Variants in TMEM108 observed in about 807,000 individuals in gnomAD.
TMEM108 encodes transmembrane protein 108, also known as cancer/testis antigen 124.
In TMEM108, 12 loss-of-function variants were observed where a neutral mutation model predicts 35.1. The ratio of observed to expected loss-of-function variants is 0.34; its 90% CI spans 0.22 to 0.55. The LOEUF (loss-of-function observed/expected upper bound fraction) is 0.55, where lower values mean the gene tolerates loss of function less well. Ranked by LOEUF, TMEM108 falls within the 20% of genes least tolerant of loss-of-function variation. The pLI is 0.89. For missense variants in TMEM108, 680 were observed against 753.3 expected (o/e 0.90, Z 1.14); for synonymous variants, 287 against 308.6 (o/e 0.93, Z 0.73).
At chr3:133,336,461 T>A (rs55694539) in intron 3 of TMEM108, among the ~76,000 whole-genome samples, 51,314 of 151,730 alleles carry the variant, frequency 0.34, 9,059 homozygotes, top group East Asian at 0.48. Context: ...TAGCTCCCAG[T>A]TGGCATTGCT....
chr3:133,365,065 G>A lies in TMEM108; in HGVS notation c.41-14687G>A, dbSNP rs540925506. ...TGGATACTGGTTTCCCAGGAAAGGC[G>A]TGTAACCTTGAGCAAGGCAGCTTTC... On this transcript the variant is annotated intron_variant, in intron 3 of 5. Coordinates refer to ENST00000321871, the MANE Select transcript of TMEM108 (RefSeq NM_023943.4). Among the ~76,000 whole-genome samples, 9 of 152,298 alleles carry A rather than the reference G, an allele frequency of 5.9e-5. No individual in the cohort carries two copies. In the South Asian group the frequency reaches 6.2e-4, roughly 11 times the overall value.
intron 2 of TMEM108, among the ~76,000 whole-genome samples, chr3:133,136,779 AC>A (rs1318182770): frequency 1.3e-5 from 2 of 152,190 alleles, no homozygotes; most frequent in Non-Finnish European, 2.9e-5. Context: ...CAAAAATTGT[AC>A]TATAAAATGT....
intron 2 of TMEM108, among the ~76,000 whole-genome samples, chr3:133,169,665 A>G (rs184843447): frequency 2.0e-5 from 3 of 152,344 alleles, no homozygotes; most frequent in Admixed American, 2.0e-4. Context: ...AACCGGGGAC[A>G]AAATGTGTAC....
intron 2 of TMEM108, among the ~76,000 whole-genome samples, chr3:133,105,083 G>A (rs1308183546): frequency 6.6e-6 from 1 of 152,174 alleles, no homozygotes; most frequent in Admixed American, 6.5e-5. Flanking sequence ...CACACATTTT[G>A]CAGCACAAAA....
At chr3:133,123,467 T>C (rs1559839421) in intron 2 of TMEM108, among the ~76,000 whole-genome samples, 1 of 152,226 alleles carries the variant, frequency 6.6e-6, no homozygotes, top group Non-Finnish European at 1.5e-5. Context: ...TGTAGAAGAA[T>C]GTCGTGTTTC....
At chr3:133,200,733 T>C (rs1945650455) in intron 2 of TMEM108, among the ~76,000 whole-genome samples, 1 of 152,226 alleles carries the variant, frequency 6.6e-6, no homozygotes, top group Non-Finnish European at 1.5e-5. Context: ...TTTTGTCTTA[T>C]GTTGTTGTTT....
intron 2 of TMEM108, among the ~76,000 whole-genome samples, chr3:133,144,333 T>C (rs1944684949): frequency 6.6e-6 from 1 of 152,200 alleles, no homozygotes; most frequent in African/African-American, 2.4e-5. Context: ...TAGTATTCCA[T>C]GGTGTATATG....
Position 133,346,052 on chromosome 3 carries a change from G to T in TMEM108, c.41-33700G>T, listed in dbSNP as rs755805740. Among the ~76,000 whole-genome samples, 1 of 151,972 alleles carries T rather than the reference G, an allele frequency of 6.6e-6. No individual in the cohort carries two copies. Among genetic ancestry groups the T allele is most frequent in the Non-Finnish European group, 1.5e-5 (1 of 67,848 alleles). ...TCGTTCACCTATTCAAAGACATCTT[G>T]GTTGCTTCTAGTTGTTGACAATTAT... On this transcript the variant is annotated intron_variant, in intron 3 of 5. Transcript: ENST00000321871. The surrounding 1 kb of genome is among the most constrained non-coding windows in gnomAD (Gnocchi z 4.0).
At chr3:133,272,792 G>A (rs146485303) in intron 3 of TMEM108, among the ~76,000 whole-genome samples, 24 of 152,272 alleles carry the variant, frequency 1.6e-4, no homozygotes, top group Non-Finnish European at 3.1e-4. Flanking sequence ...TCTCAGCCAG[G>A]GGAGGTATTG....
At chr3:133,073,346 T>C (rs1943697949) in intron 2 of TMEM108, among the ~76,000 whole-genome samples, 1 of 151,794 alleles carries the variant, frequency 6.6e-6, no homozygotes, top group Non-Finnish European at 1.5e-5. Context: ...TCTTTTATTA[T>C]AGATTCCACA....
chr3:133,073,510 C>CTCTCTCTCTCTATTTA, intron 2 of TMEM108, among the ~76,000 whole-genome samples: 1 of 43,920 alleles, frequency 2.3e-5, no homozygotes, highest in Non-Finnish European at 3.9e-5. Context: ...CTCTCTCTCT[C>CTCTCTCTCTCTATTTA]TATATATATA....
intron 2 of TMEM108, among the ~76,000 whole-genome samples, chr3:133,150,732 A>G (rs1019027264): frequency 6.6e-6 from 1 of 152,146 alleles, no homozygotes; most frequent in Non-Finnish European, 1.5e-5. Flanking sequence ...AAGTTTCTAA[A>G]CTGAGGTGAG....
chr3:133,094,638 A>G (rs961512649), intron 2 of TMEM108, among the ~76,000 whole-genome samples: 1 of 152,106 alleles, frequency 6.6e-6, no homozygotes, highest in East Asian at 1.9e-4. Context: ...TTCTGCTGCC[A>G]CTGCTGGCCT....
chr3:133,272,313 T>TG (rs1559888647), intron 3 of TMEM108, among the ~76,000 whole-genome samples: 3,727 of 97,988 alleles, frequency 0.038, 61 homozygotes, highest in Middle Eastern at 0.046. Flanking sequence ...GTGTGTGTGT[T>TG]TCCTAAAGGA....
chr3:133,310,821 T>A (rs543535849), intron 3 of TMEM108, among the ~76,000 whole-genome samples: 1 of 152,196 alleles, frequency 6.6e-6, no homozygotes, highest in Non-Finnish European at 1.5e-5. Flanking sequence ...ATAGCATCAT[T>A]GGTCTTTACA....
At chr3:133,370,871 A>AGTGTGTGT (rs71624013) in intron 3 of TMEM108, among the ~76,000 whole-genome samples, 7,298 of 125,412 alleles carry the variant, frequency 0.058, 356 homozygotes, top group Middle Eastern at 0.077. Flanking sequence ...CCCAGCCCAT[A>AGTGTGTGT]GTGTGTGTGT....
intron 3 of TMEM108, among the ~76,000 whole-genome samples, chr3:133,370,969 C>T (rs1442820350): frequency 1.5e-5 from 2 of 136,170 alleles, no homozygotes; most frequent in Non-Finnish European, 3.1e-5. Flanking sequence ...TCCTTATTTC[C>T]CTGAGGGAAC....
intron 2 of TMEM108, among the ~76,000 whole-genome samples, chr3:133,174,994 G>C (rs149318074): frequency 0.068 from 10,396 of 152,290 alleles, 389 homozygotes; most frequent in Non-Finnish European, 0.091. Context: ...ACCTGATGGA[G>C]CTGAAAACCA....
At chr3:133,199,284 A>G (rs1340572282) in intron 2 of TMEM108, among the ~76,000 whole-genome samples, 1 of 152,078 alleles carries the variant, frequency 6.6e-6, no homozygotes, top group East Asian at 1.9e-4. Flanking sequence ...TCTTCTCTCA[A>G]CTCATCAAAG....
Sources: allele counts gnomAD v4.1 joint callset (sites outside exome capture counted in the v4.1 genomes callset), GRCh38; gene constraint gnomAD v4.1.1; non-coding constraint Gnocchi (gnomAD v3.1); transcripts MANE v1.5; gene names NCBI Gene and HGNC (gene_info 2026-07-23, HGNC 2026-07-21).